SYNPO2: variants seen among roughly 807,000 people sequenced by gnomAD.
The protein encoded by SYNPO2 is synaptopodin-2.
SYNPO2 carries 56 observed loss-of-function variants against 85.0 expected under a neutral mutation model. The ratio of observed to expected loss-of-function variants is 0.66; its 90% CI spans 0.53 to 0.82. SYNPO2 has a LOEUF of 0.82. Among genes scored for constraint, SYNPO2 ranks in the 40% least tolerant of loss-of-function variants. The pLI, the probability that SYNPO2 is intolerant of heterozygous loss-of-function variation, is 0.00. For missense variants in SYNPO2, 1,575 were observed against 1,534.2 expected (o/e 1.03, Z -0.44); for synonymous variants, 602 against 591.1 (o/e 1.02, Z -0.27).
At chr4:118,956,211 G>T (rs1734869855) in intron 1 of SYNPO2, among the ~76,000 whole-genome samples, 1 of 152,118 alleles carries the variant, frequency 6.6e-6, no homozygotes, top group African/African-American at 2.4e-5. Flanking sequence ...AAGAGAAACT[G>T]GGGGGCTAAC....
rs111755869 is a variant in SYNPO2 at position 119,049,767 on chromosome 4, G to T, written c.3253-7634G>T. ...AACATTTAATTGACATGAGAAGATG[G>T]TTTATGTTAAGCTGAGAAAGGCCCT... On this transcript the variant is annotated intron_variant, in intron 4 of 4. Transcript: ENST00000307142. Among the ~76,000 whole-genome samples, 286 of 152,318 alleles carry T rather than the reference G, an allele frequency of 1.9e-3. 2 individuals carry two copies. The highest frequency in any genetic ancestry group is 6.6e-3 in the African/African-American group (273 of 41,554).
At chr4:118,925,796 G>C (rs1733692608) in intron 1 of SYNPO2, among the ~76,000 whole-genome samples, 1 of 151,970 alleles carries the variant, frequency 6.6e-6, no homozygotes, top group South Asian at 2.1e-4. Context: ...CTTATGGGTG[G>C]GGTGTGTAAT....
chr4:118,930,587 G>A (rs1312776701), intron 1 of SYNPO2, among the ~76,000 whole-genome samples: 1 of 151,918 alleles, frequency 6.6e-6, no homozygotes, highest in African/African-American at 2.4e-5. Flanking sequence ...AATAAATGAG[G>A]GGTTCTATCT....
intron 4 of SYNPO2, chr4:119,036,120 GA>G: frequency 2.0e-6 from 2 of 985,410 alleles, no homozygotes; most frequent in African/African-American, 1.7e-5. Context: ...GTGAATTATT[GA>G]AATCAGTTGC....
intron 1 of SYNPO2, among the ~76,000 whole-genome samples, chr4:118,870,405 A>G (rs1731780931): frequency 6.6e-6 from 1 of 152,242 alleles, no homozygotes; most frequent in Non-Finnish European, 1.5e-5. Flanking sequence ...TTTAAAAAGC[A>G]GATGTTCCAC....
In SYNPO2 at chr4:119,027,160, G is replaced by A. The variant is rs113276616; in HGVS notation, c.791G>A (p.Ser264Asn). ...LRSSKIIQIS[S>N]GRELRVIQES... Reference sequence around the variant, plus strand: ...TCCAGCAAGATAATCCAGATCTCCAGTGGCAGAGAGTTGAGAGTGATCCAG... The same window carrying A: ...TCCAGCAAGATAATCCAGATCTCCAATGGCAGAGAGTTGAGAGTGATCCAG... Residue 264 changes from serine to asparagine, a missense_variant, in exon 3 of 5, where the codon AGT (serine) becomes AAT (asparagine). By Grantham distance (46) the Ser-to-Asn change is conservative. Coordinates refer to ENST00000307142, the MANE Select transcript of SYNPO2 (RefSeq NM_133477.3). 3.1e-6 allele frequency: 5 copies of A among 1,614,192 alleles called. No homozygotes were observed. In the African/African-American group the frequency reaches 5.3e-5, roughly 17 times the overall value.
At chr4:118,951,589 G>A (rs1343746276) in intron 1 of SYNPO2, among the ~76,000 whole-genome samples, 1 of 152,148 alleles carries the variant, frequency 6.6e-6, no homozygotes, top group East Asian at 1.9e-4. Context: ...GAAGAGTTTT[G>A]TTATTGTTGT....
intron 1 of SYNPO2, among the ~76,000 whole-genome samples, chr4:118,916,967 A>G (rs1002603925): frequency 2.1e-4 from 32 of 152,092 alleles, no homozygotes; most frequent in African/African-American, 7.2e-4. Context: ...GCCCCTTGCC[A>G]CAAGTAATCC....
At chr4:118,856,963 A>G (rs1032731267) in intron 1 of SYNPO2, among the ~76,000 whole-genome samples, 27 of 152,194 alleles carry the variant, frequency 1.8e-4, no homozygotes, top group African/African-American at 6.5e-4. Context: ...TTGCTTTTAA[A>G]ACATCAATAA....
chr4:118,913,596 T>C (rs2932665), intron 1 of SYNPO2, among the ~76,000 whole-genome samples: 2 of 145,926 alleles, frequency 1.4e-5, no homozygotes, highest in Admixed American at 6.9e-5. Flanking sequence ...TGTGTGTGTG[T>C]GCAGCAGAAA....
At chr4:118,955,795 G>A (rs1348431561) in intron 1 of SYNPO2, among the ~76,000 whole-genome samples, 12 of 152,096 alleles carry the variant, frequency 7.9e-5, no homozygotes, top group Non-Finnish European at 2.9e-5. Flanking sequence ...GTTGTCTGAA[G>A]AGGTCAAGAA....
chr4:118,890,167 G>A (rs1489025773), intron 1 of SYNPO2, among the ~76,000 whole-genome samples: 13 of 134,778 alleles, frequency 9.6e-5, no homozygotes, highest in African/African-American at 2.7e-4. Flanking sequence ...TGCCTTTTAC[G>A]TTTTTTTTTT....
At chr4:118,875,482 A>T (rs1731888071) in intron 1 of SYNPO2, among the ~76,000 whole-genome samples, 1 of 152,236 alleles carries the variant, frequency 6.6e-6, no homozygotes. Flanking sequence ...TCATCACTGT[A>T]ACATGGCTGC....
chr4:118,851,781 A>G (rs1731423516), intron 1 of SYNPO2, among the ~76,000 whole-genome samples: 1 of 152,200 alleles, frequency 6.6e-6, no homozygotes, highest in Non-Finnish European at 1.5e-5. Context: ...CTGGATTATC[A>G]TAACCACCTC....
chr4:118,887,444 G>A (rs1217969841), upstream of SYNPO2, among the ~76,000 whole-genome samples: 1 of 152,086 alleles, frequency 6.6e-6, no homozygotes, highest in African/African-American at 2.4e-5. Flanking sequence ...TATTTGTGGT[G>A]GTTTTGAACT....
In SYNPO2 at chr4:119,027,288, T is replaced by C; in HGVS notation, c.919T>C (p.Cys307Arg). Reference sequence around the variant, plus strand: ...GTGCAGGCTTCAGGCAGGAAAGGAGTGTGTGGATTCTCCAGTGGAAGGAGG... The same window carrying C: ...GTGCAGGCTTCAGGCAGGAAAGGAGCGTGTGGATTCTCCAGTGGAAGGAGG... Reference protein sequence around the residue: ...EGCRLQAGKECVDSPVEGGQS... With the variant: ...EGCRLQAGKERVDSPVEGGQS... The change falls in exon 3 of 5, where the codon TGT becomes CGT. Residue 307 changes from cysteine to arginine, a missense_variant. Cys to Arg is a radical substitution (Grantham distance 180). Transcript: ENST00000307142. 2.5e-6 allele frequency: 4 copies of C among 1,613,838 alleles called. No individual in the cohort carries two copies. Among genetic ancestry groups the C allele is most frequent in the Non-Finnish European group, 3.4e-6 (4 of 1,179,940 alleles).
intron 1 of SYNPO2, among the ~76,000 whole-genome samples, chr4:118,968,426 A>G (rs1219829849): frequency 2.0e-5 from 3 of 152,030 alleles, no homozygotes; most frequent in African/African-American, 7.2e-5. Context: ...CCATTTAACC[A>G]TTTTCTCAGC....
At position 118,894,837 on chromosome 4, in the gene SYNPO2, T is replaced by A. The variant is rs796693204; in HGVS notation, c.105+5696T>A. 6.0e-3 allele frequency among the ~76,000 whole-genome samples: 857 copies of A among 142,978 alleles called. 4 individuals are homozygous for A. Among genetic ancestry groups the A allele is most frequent in the African/African-American group, 0.015 (566 of 38,944 alleles). The allele number at this position is 142,978 out of a possible 152,430, so 93.8% of individuals were successfully genotyped here. On this transcript the variant is annotated intron_variant, in intron 1 of 4. Coordinates refer to ENST00000307142, the MANE Select transcript of SYNPO2 (RefSeq NM_133477.3). The stretch of plus-strand genomic sequence containing the variant: ...GGTTACTAAAGTCTGATTCACATTT[T>A]AAAAAAAAAAAAAGAAGAAAAAGAA...
chr4:118,984,453 C>T (rs1736143347), intron 1 of SYNPO2, among the ~76,000 whole-genome samples: 1 of 152,158 alleles, frequency 6.6e-6, no homozygotes, highest in Non-Finnish European at 1.5e-5. Context: ...TTCATCATAT[C>T]GTTCAAAGCC....
Sources: allele counts gnomAD v4.1 joint callset (sites outside exome capture counted in the v4.1 genomes callset), GRCh38; gene constraint gnomAD v4.1.1; transcripts MANE v1.5; gene names NCBI Gene and HGNC (gene_info 2026-07-23, HGNC 2026-07-21).